Variants in MEF2C observed in about 807,000 individuals in gnomAD.
The protein encoded by MEF2C is myocyte enhancer factor 2C.
Under a neutral mutation model 50.5 loss-of-function variants are expected in MEF2C, and 6 were observed. The ratio of observed to expected loss-of-function variants is 0.12; its 90% CI spans 0.07 to 0.23. MEF2C has a LOEUF of 0.23. Among genes scored for constraint, MEF2C ranks in the 10% least tolerant of loss-of-function variants. The pLI is 1.00. For missense variants in MEF2C, 276 were observed against 605.0 expected, an observed-to-expected ratio of 0.46 and a Z score of 5.70; for synonymous variants, 183 against 228.0, an observed-to-expected ratio of 0.80 and a Z score of 1.78.
At chr5:88,885,749 T>G (rs901939444), upstream of MEF2C, among the ~76,000 whole-genome samples, 6 of 152,192 alleles carry the variant, frequency 3.9e-5, no homozygotes, top group Non-Finnish European at 8.8e-5. Flanking sequence ...CCATCTAAGT[T>G]TATTGCCATA....
intron 3 of MEF2C, among the ~76,000 whole-genome samples, chr5:88,798,115 GTCTTGGGGTTGC>G (rs1041397117): frequency 9.2e-5 from 14 of 151,756 alleles, no homozygotes; most frequent in African/African-American, 3.4e-4. Context: ...ATCTGATTGT[GTCTTGGGGTTGC>G]TCTTTTTGAG....
At chr5:88,895,737 C>T (rs559134901) in intron 1 of MEF2C, among the ~76,000 whole-genome samples, 76 of 152,264 alleles carry the variant, frequency 5.0e-4, no homozygotes, top group Admixed American at 1.0e-3. Context: ...AGCTCTTTCA[C>T]GAGTGCTTCT....
chr5:88,870,050 G>A (rs551493126), intron 1 of MEF2C, among the ~76,000 whole-genome samples: 1 of 151,570 alleles, frequency 6.6e-6, no homozygotes, highest in South Asian at 2.1e-4. Flanking sequence ...GAGTAGGAAG[G>A]TAGGTTTGCT....
chr5:88,747,333 C>CTTTTTTTTTTTTTTT (rs950842424), intron 6 of MEF2C, among the ~76,000 whole-genome samples: 1 of 21,744 alleles, frequency 4.6e-5, no homozygotes, highest in African/African-American at 1.1e-4. Context: ...TTTTTTACTA[C>CTTTTTTTTTTTTTTT]TTTTTTTTTT....
At chr5:88,732,312 G>T (rs1762048036) in intron 6 of MEF2C, among the ~76,000 whole-genome samples, 1 of 152,172 alleles carries the variant, frequency 6.6e-6, no homozygotes, top group Non-Finnish European at 1.5e-5. Context: ...TATTTTGTGT[G>T]TCTGTGTGTC....
rs1243061576 is a variant in MEF2C, at chr5:88,779,594, T to C, written c.259-18266A>G. The stretch of plus-strand genomic sequence containing the variant: ...GTATATGTGAATATATGTAGGTTTG[T>C]GTAGGTTTGTGTGTGTGTGTGTGTG... On this transcript the variant is annotated intron_variant, in intron 3 of 10. Transcript: ENST00000504921. 2.4e-5 allele frequency among the ~76,000 whole-genome samples: 3 copies of C among 126,344 alleles called. No homozygotes were observed. In the East Asian group the frequency reaches 1.0e-3, roughly 44 times the overall value. The allele number at this position is 126,344 out of a possible 152,430, so 82.9% of individuals were successfully genotyped here. A position where few individuals can be genotyped will look rare whatever the true frequency, so the allele number is the denominator to read the frequency against.
intron 2 of MEF2C, among the ~76,000 whole-genome samples, chr5:88,811,563 A>G (rs1488180598): frequency 1.3e-5 from 2 of 152,164 alleles, no homozygotes; most frequent in African/African-American, 2.4e-5. Context: ...AGCAAATGGC[A>G]ATATGGTTCA....
upstream of MEF2C, among the ~76,000 whole-genome samples, chr5:88,885,009 A>G (rs1349093558): frequency 6.6e-6 from 1 of 152,206 alleles, no homozygotes; most frequent in Non-Finnish European, 1.5e-5. Flanking sequence ...AAATATTGTG[A>G]AAGCAAGAAG....
chr5:88,788,178 GTTTATTTATTTA>G (rs70996495), intron 3 of MEF2C, among the ~76,000 whole-genome samples: 9 of 89,096 alleles, frequency 1.0e-4, no homozygotes, highest in African/African-American at 2.9e-4. Flanking sequence ...TTGTTTGTTT[GTTTATTTATTTA>G]TTTATTTATT....
chr5:88,845,902 G>C (rs1819145418), intron 1 of MEF2C, among the ~76,000 whole-genome samples: 1 of 151,188 alleles, frequency 6.6e-6, no homozygotes, highest in African/African-American at 2.4e-5. Flanking sequence ...AGCTAATTTT[G>C]GTGCTGATAA....
At chr5:88,744,779 T>C (rs1768570871) in intron 6 of MEF2C, among the ~76,000 whole-genome samples, 1 of 152,200 alleles carries the variant, frequency 6.6e-6, no homozygotes, top group Non-Finnish European at 1.5e-5. Flanking sequence ...TTTGTCTTCA[T>C]CTTTGAAAGT....
chr5:88,757,687 G>A (rs1008472426), intron 4 of MEF2C, among the ~76,000 whole-genome samples: 6 of 152,226 alleles, frequency 3.9e-5, no homozygotes, highest in South Asian at 2.1e-4. Flanking sequence ...AGGCCGAGAC[G>A]GGCGGATCAC....
intron 1 of MEF2C, chr5:88,839,650 C>A (rs1253107015): frequency 1.3e-5 from 2 of 151,472 alleles, no homozygotes; most frequent in African/African-American, 2.4e-5. Flanking sequence ...GTGCATATTA[C>A]TCTTATATGC....
chr5:88,823,327 G>A (rs1438218941), intron 2 of MEF2C, among the ~76,000 whole-genome samples: 1 of 151,826 alleles, frequency 6.6e-6, no homozygotes, highest in Admixed American at 6.6e-5. Flanking sequence ...TTTTCATACA[G>A]GATATTTATC....
At chr5:88,869,258 T>TATATATATATATATATATAC (rs1451515717) in intron 1 of MEF2C, among the ~76,000 whole-genome samples, 4 of 64,962 alleles carry the variant, frequency 6.2e-5, no homozygotes, top group Non-Finnish European at 1.1e-4. Context: ...TTTTCATATA[T>TATATATATATATATATATAC]ATATATATAT....
At chr5:88,807,444 G>A (rs1248405923) in intron 2 of MEF2C, among the ~76,000 whole-genome samples, 1 of 152,080 alleles carries the variant, frequency 6.6e-6, no homozygotes. Context: ...ATGTTACCCA[G>A]GCTGTTCTCA....
intron 1 of MEF2C, among the ~76,000 whole-genome samples, chr5:88,876,883 A>G (rs1831226778): frequency 1.3e-5 from 2 of 152,002 alleles, no homozygotes; most frequent in African/African-American, 4.8e-5. Flanking sequence ...TATGACAACA[A>G]GATAGAAGAG....
intron 1 of MEF2C, among the ~76,000 whole-genome samples, chr5:88,834,946 T>C (rs1473548782): frequency 6.6e-6 from 1 of 152,188 alleles, no homozygotes; most frequent in Non-Finnish European, 1.5e-5. Flanking sequence ...ACTTGCTTCC[T>C]TCACTGATAT....
At chr5:88,737,259 A>G in intron 6 of MEF2C, 1 of 985,366 alleles carries the variant, frequency 1.0e-6, no homozygotes, top group South Asian at 4.7e-5. Context: ...ATGACCAAGT[A>G]CACTATTGAG....
Sources: allele counts gnomAD v4.1 joint callset (sites outside exome capture counted in the v4.1 genomes callset), GRCh38; gene constraint gnomAD v4.1.1; transcripts MANE v1.5; gene names NCBI Gene and HGNC (gene_info 2026-07-23, HGNC 2026-07-21).